Variants in HMGA2 observed in about 807,000 individuals in gnomAD.
HMGA2 encodes the protein high mobility group AT-hook 2, also known as high mobility group protein HMGI-C.
A neutral mutation model predicts 19.1 loss-of-function variants in HMGA2; 8 were observed. The ratio of observed to expected loss-of-function variants is 0.42; its 90% CI spans 0.25 to 0.76. The LOEUF is 0.76. Ranked by LOEUF, HMGA2 falls within the 30% of genes least tolerant of loss-of-function variation. The pLI is 0.28. For missense variants in HMGA2, 109 were observed against 136.3 expected (o/e 0.80, Z 1.00); for synonymous variants, 60 against 48.8 (o/e 1.23, Z -0.96).
intron 4 of HMGA2, chr12:65,954,090 A>G (rs10878350): frequency 1.3e-5 from 2 of 152,056 alleles, no homozygotes; most frequent in African/African-American, 4.8e-5. Flanking sequence ...CACTGGGCTA[A>G]TTAATTTCTC....
intron 3 of HMGA2, among the ~76,000 whole-genome samples, chr12:65,912,462 G>T (rs1460043230): frequency 2.6e-5 from 4 of 152,120 alleles, no homozygotes; most frequent in Non-Finnish European, 5.9e-5. Context: ...TCTAGACCTT[G>T]CTTCCTGCTC....
Position 65,825,469 on chromosome 12 carries a change from G to A in HMGA2, c.111+88G>A. 2 of 906,642 alleles carry A rather than the reference G, an allele frequency of 2.2e-6. No individual in the cohort carries two copies. Among genetic ancestry groups the A allele is most frequent in the Non-Finnish European group, 3.0e-6 (2 of 672,494 alleles). 56.2% of individuals were successfully genotyped at this position (906,642 alleles called of 1,614,324 possible). On this transcript the variant is annotated intron_variant, in intron 1 of 4. Transcript: ENST00000403681. The surrounding 1 kb of genome is among the most constrained non-coding windows in gnomAD (Gnocchi z 4.4). ...CGCGCGGGGCGGCCGGAGTGCGGGAGCCCAGTCGCCGCGGCCGTCGCACAC... is the reference window on the plus strand; with the variant it reads ...CGCGCGGGGCGGCCGGAGTGCGGGAACCCAGTCGCCGCGGCCGTCGCACAC...
intron 3 of HMGA2, among the ~76,000 whole-genome samples, chr12:65,880,839 G>C (rs1873336080): frequency 6.6e-6 from 1 of 152,138 alleles, no homozygotes; most frequent in South Asian, 2.1e-4. Context: ...TGGATCATTA[G>C]GTACCTTTCA....
intron 4 of HMGA2, chr12:65,956,927 C>T (rs917240071): frequency 2.0e-5 from 3 of 152,182 alleles, no homozygotes; most frequent in Non-Finnish European, 1.5e-5. Context: ...TAGCAACTGG[C>T]TTTAAAACCT....
At chr12:65,888,554 C>CTTTTTTTTTTTT (rs1180942808) in intron 3 of HMGA2, among the ~76,000 whole-genome samples, 1 of 40,544 alleles carries the variant, frequency 2.5e-5, no homozygotes, top group African/African-American at 1.0e-4. Context: ...GTGGTGTGCT[C>CTTTTTTTTTTTT]TTTTTTTTTT....
rs140142107 is a variant in HMGA2, at chr12:65,928,275, C to T, written c.250-23108C>T. 7.4e-3 allele frequency among the ~76,000 whole-genome samples: 1,126 copies of T among 152,016 alleles called. 13 individuals are homozygous for T. Among genetic ancestry groups the T allele is most frequent in the African/African-American group, 0.024 (991 of 41,516 alleles). On this transcript the variant is annotated intron_variant, in intron 3 of 4. Transcript: ENST00000403681. ...AACATATCTAAACATAGAAAAGGTA[C>T]AGTAAAAATACAGCATAAAAGATTT... is the stretch of plus-strand genomic sequence containing the variant.
chr12:65,950,228 ATGT>A (rs1400843422), intron 3 of HMGA2, among the ~76,000 whole-genome samples: 1 of 152,208 alleles, frequency 6.6e-6, no homozygotes, highest in African/African-American at 2.4e-5. Context: ...GAATGAAAAC[ATGT>A]TCGCACGAAA....
At chr12:65,921,817 C>T (rs1875324738) in intron 3 of HMGA2, among the ~76,000 whole-genome samples, 1 of 152,210 alleles carries the variant, frequency 6.6e-6, no homozygotes, top group Non-Finnish European at 1.5e-5. Context: ...CCCAGGGTCC[C>T]CATGCTGTGT....
Position 65,882,161 on chromosome 12 carries a change from C to T in HMGA2, c.249+43592C>T, listed in dbSNP as rs1373226740. 3 of 393,180 alleles carry T rather than the reference C, an allele frequency of 7.6e-6. No individual in the cohort carries two copies. In the Admixed American group the frequency reaches 1.1e-4, roughly 14 times the overall value. The allele number at this position is 393,180 out of a possible 1,614,324, so 24.4% of individuals were successfully genotyped here. A position where few individuals can be genotyped will look rare whatever the true frequency, so the allele number is the denominator to read the frequency against. On this transcript the variant is annotated intron_variant, in intron 3 of 4. Coordinates refer to ENST00000403681, the MANE Select transcript of HMGA2 (RefSeq NM_003483.6). ...GAGCTGGGCAGGCGGCGAGGTCTTGCGGGCTGGCCTTTCTGCTGCTGGTAG... is the reference window on the plus strand; with the variant it reads ...GAGCTGGGCAGGCGGCGAGGTCTTGTGGGCTGGCCTTTCTGCTGCTGGTAG...
At chr12:65,858,898 G>C (rs1352039970) in intron 3 of HMGA2, 4 of 152,194 alleles carry the variant, frequency 2.6e-5, no homozygotes, top group Non-Finnish European at 5.9e-5. Context: ...CAAGGTTTTT[G>C]AAGAAACACT....
intron 3 of HMGA2, among the ~76,000 whole-genome samples, chr12:65,916,671 G>A (rs1875113596): frequency 6.6e-6 from 1 of 152,172 alleles, no homozygotes; most frequent in Admixed American, 6.5e-5. Context: ...TTTTTTGAGT[G>A]TATGAATATA....
chr12:65,925,177 T>C (rs1438345676), intron 3 of HMGA2, among the ~76,000 whole-genome samples: 1 of 152,204 alleles, frequency 6.6e-6, no homozygotes, highest in Non-Finnish European at 1.5e-5. Context: ...AAAAGTATCT[T>C]TTCTACAATT....
chr12:65,870,861 T>C (rs1328518402), intron 3 of HMGA2, among the ~76,000 whole-genome samples: 1 of 152,134 alleles, frequency 6.6e-6, no homozygotes, highest in Non-Finnish European at 1.5e-5. Context: ...TAGTTTGGAT[T>C]GGATAGTGTA....
intron 3 of HMGA2, among the ~76,000 whole-genome samples, chr12:65,927,542 G>A (rs1208598118): frequency 3.3e-5 from 5 of 152,164 alleles, no homozygotes; most frequent in South Asian, 2.1e-4. Context: ...TCTTCTTTAC[G>A]TTTTATAAAA....
intron 2 of HMGA2, among the ~76,000 whole-genome samples, chr12:65,830,255 T>C (rs1870421067): frequency 6.6e-6 from 1 of 152,002 alleles, no homozygotes; most frequent in Non-Finnish European, 1.5e-5. Flanking sequence ...CACTTTCAAA[T>C]CAGAATTTGT....
At position 65,838,394 on chromosome 12, in the gene HMGA2, A is replaced by C. The variant is rs111830018; in HGVS notation, c.199-125A>C. ...GGAGACGAAGTTTGTTAAAAAAAAC[A>C]AAAAAAAAAAAACCGATACGTCATC... is the stretch of plus-strand genomic sequence containing the variant. On this transcript the variant is annotated intron_variant, in intron 2 of 4. Transcript: ENST00000403681. 8.6e-4 allele frequency: 153 copies of C among 176,892 alleles called. No homozygotes were observed. In the East Asian group the frequency reaches 0.016, roughly 19 times the overall value. The allele number at this position is 176,892 out of a possible 1,614,324, so 11.0% of individuals were successfully genotyped here. A position where few individuals can be genotyped will look rare whatever the true frequency, so the allele number is the denominator to read the frequency against.
intron 3 of HMGA2, among the ~76,000 whole-genome samples, chr12:65,840,000 T>C (rs1870925852): frequency 6.6e-6 from 1 of 152,226 alleles, no homozygotes; most frequent in Non-Finnish European, 1.5e-5. Context: ...TGTTTGTATG[T>C]ATCTGTGTTT....
chr12:65,948,443 T>G (rs1303578839), intron 3 of HMGA2: 4 of 152,254 alleles, frequency 2.6e-5, no homozygotes. Flanking sequence ...ACAGTTTGTT[T>G]GGCGTCCAAA....
At chr12:65,927,924 T>A (rs1191596512) in intron 3 of HMGA2, among the ~76,000 whole-genome samples, 2 of 144,040 alleles carry the variant, frequency 1.4e-5, no homozygotes, top group Admixed American at 1.4e-4. Context: ...CATACATATT[T>A]CTGTCACCCA....
Sources: gnomAD v4.1 joint callset for allele counts (sites outside exome capture counted in the v4.1 genomes callset) on GRCh38, gnomAD v4.1.1 for gene constraint, Gnocchi (gnomAD v3.1) non-coding constraint, MANE v1.5 for transcripts, NCBI Gene and HGNC (gene_info 2026-07-23, HGNC 2026-07-21) for gene names.